The following CHST11 variants were observed in gnomAD, a reference collection of about 807,000 sequenced individuals.
CHST11 encodes the protein carbohydrate sulfotransferase 11.
Under a neutral mutation model 30.4 loss-of-function variants are expected in CHST11, and 9 were observed. The ratio of observed to expected loss-of-function variants is 0.30; its 90% CI spans 0.18 to 0.52. CHST11 has a LOEUF of 0.52. CHST11 is among the 20% of genes least tolerant of loss of function. CHST11 has a pLI of 0.97. For missense variants in CHST11, 348 were observed against 460.6 expected, an observed-to-expected ratio of 0.76 and a Z score of 2.24; for synonymous variants, 152 against 187.8, an observed-to-expected ratio of 0.81 and a Z score of 1.56.
intron 2 of CHST11, among the ~76,000 whole-genome samples, chr12:104,720,561 A>G (rs138500870): frequency 6.6e-6 from 1 of 152,186 alleles, no homozygotes; most frequent in Non-Finnish European, 1.5e-5. Flanking sequence ...GCCACCTACC[A>G]CCCCTGTCCC....
At chr12:104,712,035 G>A (rs1376626409) in intron 2 of CHST11, among the ~76,000 whole-genome samples, 1 of 152,204 alleles carries the variant, frequency 6.6e-6, no homozygotes, top group Admixed American at 6.5e-5. Context: ...GATTGGGTAA[G>A]AACACGTTAA....
At chr12:104,521,070 A>G (rs2038069670) in intron 1 of CHST11, among the ~76,000 whole-genome samples, 1 of 152,218 alleles carries the variant, frequency 6.6e-6, no homozygotes. Context: ...GATAAGGATA[A>G]TAGTTGATCT....
chr12:104,558,078 GC>G (rs538053043), intron 1 of CHST11, among the ~76,000 whole-genome samples: 28 of 152,250 alleles, frequency 1.8e-4, no homozygotes, highest in Admixed American at 1.7e-3. Context: ...CTGTCCTCCA[GC>G]CGTGGAGATG....
chr12:104,517,166 C>G (rs2038032231), intron 1 of CHST11, among the ~76,000 whole-genome samples: 2 of 152,124 alleles, frequency 1.3e-5, no homozygotes, highest in Non-Finnish European at 2.9e-5. Flanking sequence ...TCTCTGCAGC[C>G]TTTTTTGTCT....
In CHST11 at chr12:104,466,573, A is replaced by G. The variant is rs2135951413; in HGVS notation, c.118+9044A>G. On this transcript the variant is annotated intron_variant, in intron 1 of 2. Transcript: ENST00000303694. ...TCTCAAGTGAGTGCTTCTATTTGGG[A>G]GAGCCAAATTCACATCTAGAACCTT... 1.3e-5 allele frequency among the ~76,000 whole-genome samples: 2 copies of G among 152,328 alleles called. 1 individual carries two copies. The highest frequency in any genetic ancestry group is 4.1e-4 in the South Asian group (2 of 4,828).
intron 2 of CHST11, among the ~76,000 whole-genome samples, chr12:104,648,981 A>G (rs894975909): frequency 2.6e-5 from 4 of 151,460 alleles, no homozygotes; most frequent in African/African-American, 7.3e-5. Flanking sequence ...ACTCCAATCA[A>G]CCTCCCCTTC....
chr12:104,655,080 C>G (rs1347565243), intron 2 of CHST11, among the ~76,000 whole-genome samples: 1 of 152,190 alleles, frequency 6.6e-6, no homozygotes, highest in African/African-American at 2.4e-5. Context: ...TCATGGAATT[C>G]TGGGAAACAC....
At chr12:104,531,420 G>C (rs1391498474) in intron 1 of CHST11, among the ~76,000 whole-genome samples, 1 of 149,254 alleles carries the variant, frequency 6.7e-6, no homozygotes, top group East Asian at 2.0e-4. Context: ...GGAGGTTGAG[G>C]CTGCAGTGAG....
chr12:104,663,871 T>TCATC (rs767268137), intron 2 of CHST11, among the ~76,000 whole-genome samples: 126 of 152,220 alleles, frequency 8.3e-4, no homozygotes, highest in Admixed American at 1.4e-3. Flanking sequence ...ATCCATCTGT[T>TCATC]CATCCATCCA....
chr12:104,563,185 C>T (rs1440468111), intron 1 of CHST11, among the ~76,000 whole-genome samples: 1 of 152,090 alleles, frequency 6.6e-6, no homozygotes, highest in East Asian at 1.9e-4. Context: ...GGATTACAGG[C>T]GCTCACTACC....
intron 1 of CHST11, among the ~76,000 whole-genome samples, chr12:104,537,650 A>G (rs531163263): frequency 6.6e-6 from 1 of 151,876 alleles, no homozygotes; most frequent in Admixed American, 6.6e-5. Flanking sequence ...TGAAAATAAT[A>G]CAGATAATAT....
chr12:104,706,220 T>C (rs1021689852), intron 2 of CHST11, among the ~76,000 whole-genome samples: 129 of 148,842 alleles, frequency 8.7e-4, no homozygotes, highest in African/African-American at 3.1e-3. Flanking sequence ...CCTGTCTCTA[T>C]TAAAAATACA....
At chr12:104,521,768 T>C (rs983602151) in intron 1 of CHST11, among the ~76,000 whole-genome samples, 1 of 152,222 alleles carries the variant, frequency 6.6e-6, no homozygotes, top group Non-Finnish European at 1.5e-5. Flanking sequence ...AAAGTTGATT[T>C]GAGTCTACTC....
At chr12:104,588,257 C>T (rs1377975467) in intron 1 of CHST11, among the ~76,000 whole-genome samples, 2 of 152,168 alleles carry the variant, frequency 1.3e-5, no homozygotes, top group African/African-American at 4.8e-5. Flanking sequence ...GCCATCCCCA[C>T]CCCTGGCCTT....
chr12:104,605,762 G>A (rs2038998825), intron 2 of CHST11, among the ~76,000 whole-genome samples: 1 of 152,148 alleles, frequency 6.6e-6, no homozygotes, highest in Admixed American at 6.5e-5. Flanking sequence ...CATATTTGTG[G>A]GCCGAGCACA....
At chr12:104,641,381 A>G (rs1566019385) in intron 2 of CHST11, among the ~76,000 whole-genome samples, 2 of 152,312 alleles carry the variant, frequency 1.3e-5, no homozygotes, top group East Asian at 3.9e-4. Context: ...TTCAGGGGTC[A>G]TGGACACCCT....
chr12:104,745,210 ATTGT>A (rs1199562739), intron 2 of CHST11, among the ~76,000 whole-genome samples: 2 of 152,034 alleles, frequency 1.3e-5, no homozygotes, highest in African/African-American at 4.8e-5. Flanking sequence ...TCCTTTCCTC[ATTGT>A]TTGTTTTTGT....
At chr12:104,693,929 A>G (rs886614636) in intron 2 of CHST11, among the ~76,000 whole-genome samples, 1 of 152,224 alleles carries the variant, frequency 6.6e-6, no homozygotes. Context: ...TCAGATAGTA[A>G]ATATTTTAGA....
chr12:104,541,753 A>T (rs2038289073), intron 1 of CHST11, among the ~76,000 whole-genome samples: 1 of 152,198 alleles, frequency 6.6e-6, no homozygotes, highest in Admixed American at 6.5e-5. Flanking sequence ...GAGGGGAAAG[A>T]AGTGTCTTAG....
Sources: gnomAD v4.1 joint callset for allele counts (sites outside exome capture counted in the v4.1 genomes callset) on GRCh38, gnomAD v4.1.1 for gene constraint, MANE v1.5 for transcripts, NCBI Gene and HGNC (gene_info 2026-07-23, HGNC 2026-07-21) for gene names.